The following SLC39A11 variants were observed in gnomAD, a reference collection of about 807,000 sequenced individuals.
The protein encoded by SLC39A11 is zinc transporter ZIP11.
Under a neutral mutation model 36.1 loss-of-function variants are expected in SLC39A11, and 33 were observed. That is an observed-to-expected ratio of 0.91 (90% CI 0.69 to 1.22). The LOEUF is 1.22. SLC39A11 is among the 50% of genes most tolerant of loss of function. SLC39A11 has a pLI of 0.00. For missense variants in SLC39A11, 432 were observed against 430.3 expected, an observed-to-expected ratio of 1.00 and a Z score of -0.03; for synonymous variants, 166 against 170.3, an observed-to-expected ratio of 0.97 and a Z score of 0.20.
chr17:73,056,839 A>C (rs1335847018), intron 3 of SLC39A11, among the ~76,000 whole-genome samples: 1 of 152,236 alleles, frequency 6.6e-6, no homozygotes, highest in Non-Finnish European at 1.5e-5. Flanking sequence ...AGAGAAAGAG[A>C]GAACTTTACC....
chr17:72,935,477 T>C (rs1270323944), intron 5 of SLC39A11, among the ~76,000 whole-genome samples: 1 of 152,188 alleles, frequency 6.6e-6, no homozygotes, highest in East Asian at 1.9e-4. Context: ...TACAGATCTG[T>C]GCATTTCTTA....
chr17:73,069,160 C>T lies in SLC39A11; in HGVS notation c.147+15648G>A, dbSNP rs183466255. 4.6e-5 allele frequency among the ~76,000 whole-genome samples: 7 copies of T among 152,296 alleles called. No individual in the cohort carries two copies. The East Asian group carries it at 1.4e-3, about 29-fold the overall frequency. ...CCACTCCCATCCTTACTTGTCAAAA[C>T]TCAACCTATCCCTCCCACCCAAGCT... On this transcript the variant is annotated intron_variant, in intron 3 of 9. Transcript: ENST00000255559.
rs1051970691 is a variant in SLC39A11 at position 73,006,823 on chromosome 17, G to A, written c.306+24733C>T. 4.6e-5 allele frequency among the ~76,000 whole-genome samples: 7 copies of A among 152,262 alleles called. No homozygotes were observed. The East Asian group carries it at 1.2e-3, about 25-fold the overall frequency. ...CCAACCGTTCACACATTTAGGAAGC[G>A]TTTATTGCGGCGGGAGTTGTTAGGG... is the stretch of plus-strand genomic sequence containing the variant. On this transcript the variant is annotated intron_variant, in intron 4 of 9. Coordinates refer to ENST00000255559, the MANE Select transcript of SLC39A11 (RefSeq NM_139177.4).
rs1467324778 is a variant in SLC39A11, at chr17:72,842,225, A to C, written c.601+7409T>G. ...GTAATTGTAAGTCAGAGTGATAATT[A>C]TGGTAACAGAAGATAAAGGATACAG... On this transcript the variant is annotated intron_variant, in intron 6 of 9. Transcript: ENST00000255559. 3.3e-5 allele frequency among the ~76,000 whole-genome samples: 5 copies of C among 152,308 alleles called. No homozygotes were observed. In the East Asian group the frequency reaches 9.6e-4, roughly 29 times the overall value.
chr17:72,868,618 C>CAAAAAAAA (rs71354894), intron 5 of SLC39A11, among the ~76,000 whole-genome samples: 24 of 56,478 alleles, frequency 4.2e-4, no homozygotes, highest in East Asian at 1.8e-3. Context: ...CCTGTCTCTA[C>CAAAAAAAA]AAAAAAAAAA....
chr17:73,041,407 C>G (rs2059110001), intron 3 of SLC39A11, among the ~76,000 whole-genome samples: 1 of 152,166 alleles, frequency 6.6e-6, no homozygotes, highest in African/African-American at 2.4e-5. Flanking sequence ...AGCCAGGGAG[C>G]CTTTGACAAT....
chr17:72,807,286 C>G (rs2077288699), intron 6 of SLC39A11, among the ~76,000 whole-genome samples: 1 of 152,172 alleles, frequency 6.6e-6, no homozygotes, highest in South Asian at 2.1e-4. Flanking sequence ...CCTCAAAAGT[C>G]TAAGGAATTA....
intron 5 of SLC39A11, among the ~76,000 whole-genome samples, chr17:72,914,044 G>T (rs2147151003): frequency 6.7e-6 from 1 of 149,816 alleles, no homozygotes; most frequent in East Asian, 1.9e-4. Context: ...GTGATGCGTG[G>T]TGACTCACGC....
chr17:72,954,515 G>T (rs1362431496), intron 4 of SLC39A11, among the ~76,000 whole-genome samples: 1 of 152,180 alleles, frequency 6.6e-6, no homozygotes, highest in East Asian at 1.9e-4. Flanking sequence ...GCCTGCCTGG[G>T]GCCCAGCATA....
chr17:72,702,210 A>G (rs1401550972), intron 7 of SLC39A11, among the ~76,000 whole-genome samples: 1 of 152,224 alleles, frequency 6.6e-6, no homozygotes, highest in Non-Finnish European at 1.5e-5. Context: ...AGCTAACCCT[A>G]TCTTCCTGTG....
intron 5 of SLC39A11, among the ~76,000 whole-genome samples, chr17:72,898,381 G>A (rs2082138889): frequency 6.6e-6 from 1 of 152,226 alleles, no homozygotes; most frequent in African/African-American, 2.4e-5. Flanking sequence ...TGCTACTGGG[G>A]AGGAAATGTA....
intron 5 of SLC39A11, among the ~76,000 whole-genome samples, chr17:72,917,298 C>T (rs774813387): frequency 2.0e-4 from 30 of 152,210 alleles, no homozygotes; most frequent in African/African-American, 6.5e-4. Flanking sequence ...ATCTGTCAGG[C>T]GCCAAGCACT....
At chr17:73,079,043 C>T (rs1284026956) in intron 3 of SLC39A11, among the ~76,000 whole-genome samples, 1 of 152,058 alleles carries the variant, frequency 6.6e-6, no homozygotes, top group African/African-American at 2.4e-5. Flanking sequence ...AATTCTATTT[C>T]ACCACAGAAT....
intron 5 of SLC39A11, among the ~76,000 whole-genome samples, chr17:72,889,342 C>T (rs1391482367): frequency 6.6e-6 from 1 of 151,998 alleles, no homozygotes; most frequent in African/African-American, 2.4e-5. Flanking sequence ...TGGTGAAACC[C>T]CATCTCCAAT....
rs146038535 is a variant in SLC39A11, at chr17:72,797,163, T to C, written c.601+52471A>G. ...GAATCTACCTACAAGGGGTTTACCA[T>C]CTTGCTGAGGATGTAAGACTTGTGC... is the stretch of plus-strand genomic sequence containing the variant. On this transcript the variant is annotated intron_variant, in intron 6 of 9. Transcript: ENST00000255559. Among the ~76,000 whole-genome samples the C allele has an allele frequency of 5.1e-3, 780 of 152,268 alleles. 11 individuals carry two copies. The highest frequency in any genetic ancestry group is 0.017 in the African/African-American group (722 of 41,514).
At chr17:72,689,397 GAA>G (rs984652194) in intron 7 of SLC39A11, among the ~76,000 whole-genome samples, 9 of 152,186 alleles carry the variant, frequency 5.9e-5, no homozygotes, top group South Asian at 2.1e-4. Context: ...AAAGTGGGGA[GAA>G]GAGACACAGA....
chr17:72,911,545 T>A (rs1384362498), intron 5 of SLC39A11, among the ~76,000 whole-genome samples: 1 of 152,196 alleles, frequency 6.6e-6, no homozygotes, highest in Admixed American at 6.5e-5. Flanking sequence ...TCCCTTTTCC[T>A]GTCAGCCTCC....
intron 7 of SLC39A11, among the ~76,000 whole-genome samples, chr17:72,699,524 C>T (rs2072502327): frequency 6.6e-6 from 1 of 152,170 alleles, no homozygotes; most frequent in Admixed American, 6.5e-5. Context: ...TCAGGAAGCC[C>T]CTGCAATGTG....
At chr17:72,859,671 C>T (rs2079850626) in intron 5 of SLC39A11, among the ~76,000 whole-genome samples, 1 of 151,372 alleles carries the variant, frequency 6.6e-6, no homozygotes, top group South Asian at 2.1e-4. Flanking sequence ...CTACATGGGC[C>T]ACGTGTAGCC....
Sources: allele counts gnomAD v4.1 joint callset (sites outside exome capture counted in the v4.1 genomes callset), GRCh38; gene constraint gnomAD v4.1.1; transcripts MANE v1.5; gene names NCBI Gene and HGNC (gene_info 2026-07-23, HGNC 2026-07-21).